Variants in NPFFR2 observed in about 807,000 individuals in gnomAD.
NPFFR2 encodes G-protein coupled receptor 74.
In NPFFR2, 15 loss-of-function variants were observed where a neutral mutation model predicts 13.1. The ratio of observed to expected loss-of-function variants is 1.15; its 90% CI spans 0.77 to 1.76. NPFFR2 has a LOEUF of 1.76. Among genes scored for constraint, NPFFR2 ranks in the 40% most tolerant of loss-of-function variants. NPFFR2 has a pLI of 0.00. For missense variants in NPFFR2, 572 were observed against 503.5 expected, an observed-to-expected ratio of 1.14 and a Z score of -1.30; for synonymous variants, 190 against 175.7, an observed-to-expected ratio of 1.08 and a Z score of -0.65.
chr4:72,144,024 G>A (rs1176435441), intron 3 of NPFFR2, among the ~76,000 whole-genome samples: 1 of 152,114 alleles, frequency 6.6e-6, no homozygotes, highest in Non-Finnish European at 1.5e-5. Context: ...AAACCACTTA[G>A]TGAGTTAAAA....
intron 1 of NPFFR2, among the ~76,000 whole-genome samples, chr4:72,040,152 T>A (rs1035498856): frequency 6.6e-6 from 1 of 152,182 alleles, no homozygotes; most frequent in Non-Finnish European, 1.5e-5. Flanking sequence ...TCATGCACAT[T>A]TAAAATATTT....
At chr4:72,142,474 C>A (rs1373819622) in intron 3 of NPFFR2, among the ~76,000 whole-genome samples, 7 of 152,098 alleles carry the variant, frequency 4.6e-5, no homozygotes, top group Admixed American at 4.6e-4. Context: ...GAACCAGGTA[C>A]CTCAGGTGGA....
chr4:72,098,194 G>C (rs879713916), intron 1 of NPFFR2, among the ~76,000 whole-genome samples: 2 of 152,066 alleles, frequency 1.3e-5, no homozygotes, highest in Non-Finnish European at 2.9e-5. Context: ...GAAATCTATG[G>C]GATTAAACAA....
chr4:72,092,147 G>T (rs755495744), intron 1 of NPFFR2, among the ~76,000 whole-genome samples: 14 of 152,004 alleles, frequency 9.2e-5, no homozygotes, highest in Non-Finnish European at 1.8e-4. Flanking sequence ...GCGTGGTTTT[G>T]TGGGTTCCTT....
At chr4:72,092,785 T>C (rs1223871863) in intron 1 of NPFFR2, among the ~76,000 whole-genome samples, 1 of 152,176 alleles carries the variant, frequency 6.6e-6, no homozygotes, top group Admixed American at 6.5e-5. Flanking sequence ...TGAATTCTTA[T>C]TCATTTTGCC....
chr4:72,130,615 C>T (rs965652424), intron 2 of NPFFR2, among the ~76,000 whole-genome samples: 6 of 152,178 alleles, frequency 3.9e-5, no homozygotes, highest in Non-Finnish European at 8.8e-5. Context: ...GGTGAAGGGG[C>T]GGCTCCCTTA....
At chr4:72,074,023 GGGTTTCACTTTCCAT>G (rs1720347833) in intron 1 of NPFFR2, among the ~76,000 whole-genome samples, 1 of 8,866 alleles carries the variant, frequency 1.1e-4, no homozygotes, top group African/African-American at 3.1e-4. Context: ...TCACTTTCCA[GGGTTTCACTTTCCAT>G]GGTTTCAGTT....
At chr4:72,126,976 T>C (rs1722063380) in intron 1 of NPFFR2, among the ~76,000 whole-genome samples, 1 of 152,058 alleles carries the variant, frequency 6.6e-6, no homozygotes, top group Non-Finnish European at 1.5e-5. Flanking sequence ...TGAATCACCA[T>C]ACCTAGGAGT....
chr4:72,135,019 A>G (rs1409643889), intron 2 of NPFFR2, among the ~76,000 whole-genome samples: 4 of 152,084 alleles, frequency 2.6e-5, no homozygotes, highest in Non-Finnish European at 5.9e-5. Context: ...CTCACACTTA[A>G]TTAGTTAGCT....
chr4:72,117,624 C>T (rs755916933), intron 1 of NPFFR2, among the ~76,000 whole-genome samples: 6 of 152,144 alleles, frequency 3.9e-5, no homozygotes, highest in Non-Finnish European at 8.8e-5. Flanking sequence ...TAGAACAGTA[C>T]CTAGCATGTT....
At chr4:72,070,560 TGGGGGGGGG>T (rs748172308) in intron 1 of NPFFR2, among the ~76,000 whole-genome samples, 2 of 10,380 alleles carry the variant, frequency 1.9e-4, no homozygotes, top group Admixed American at 1.2e-3. Context: ...TGTGTGTGTG[TGGGGGGGGG>T]GGGTGGGGCT....
chr4:72,130,270 A>C (rs1476572562), intron 2 of NPFFR2, among the ~76,000 whole-genome samples: 1 of 152,072 alleles, frequency 6.6e-6, no homozygotes, highest in African/African-American at 2.4e-5. Flanking sequence ...ATCACTATGA[A>C]CTGTAAGGTC....
At chr4:72,033,534 A>G (rs1718977427) in intron 1 of NPFFR2, among the ~76,000 whole-genome samples, 1 of 152,132 alleles carries the variant, frequency 6.6e-6, no homozygotes, top group Admixed American at 6.5e-5. Context: ...GTGTTTTTCC[A>G]AAATCCATAC....
intron 1 of NPFFR2, among the ~76,000 whole-genome samples, chr4:72,072,376 C>T (rs566577533): frequency 6.6e-6 from 1 of 151,212 alleles, no homozygotes; most frequent in East Asian, 1.9e-4. Flanking sequence ...GACAGAAAAC[C>T]TAAAAAGAAA....
At chr4:72,146,058 T>C (rs577730888) in intron 3 of NPFFR2, among the ~76,000 whole-genome samples, 8 of 152,300 alleles carry the variant, frequency 5.3e-5, no homozygotes, top group African/African-American at 1.9e-4. Flanking sequence ...TCAGAACTCA[T>C]AATGAATACT....
At chr4:72,067,393 G>C (rs1375740160) in intron 1 of NPFFR2, among the ~76,000 whole-genome samples, 1 of 152,148 alleles carries the variant, frequency 6.6e-6, no homozygotes, top group Non-Finnish European at 1.5e-5. Context: ...CTAGCACTCT[G>C]GGTGTTTGAT....
chr4:72,067,254 C>T (rs1046608015), intron 1 of NPFFR2, among the ~76,000 whole-genome samples: 5 of 152,232 alleles, frequency 3.3e-5, no homozygotes, highest in South Asian at 4.1e-4. Flanking sequence ...CTTTAGCCAC[C>T]GCTGAAGTGG....
chr4:72,078,443 T>G (rs917328907), intron 1 of NPFFR2, among the ~76,000 whole-genome samples: 1 of 152,132 alleles, frequency 6.6e-6, no homozygotes, highest in African/African-American at 2.4e-5. Context: ...TGGCATGAGT[T>G]TCAAAAGATC....
At chr4:72,075,690 T>G (rs1019468929) in intron 1 of NPFFR2, among the ~76,000 whole-genome samples, 11 of 152,072 alleles carry the variant, frequency 7.2e-5, no homozygotes, top group South Asian at 4.1e-4. Flanking sequence ...TACTGTATGA[T>G]TCCACTTATA....
Sources: gnomAD v4.1 joint callset for allele counts (sites outside exome capture counted in the v4.1 genomes callset) on GRCh38, gnomAD v4.1.1 for gene constraint, MANE v1.5 for transcripts, NCBI Gene and HGNC (gene_info 2026-07-23, HGNC 2026-07-21) for gene names.